The following TEX9 variants were observed in gnomAD, a reference collection of about 807,000 sequenced individuals.
TEX9 encodes the protein testis-expressed protein 9.
In TEX9, 74 loss-of-function variants were observed where a neutral mutation model predicts 59.6. The observed-to-expected ratio is 1.24, with a 90% CI of 1.03 to 1.51. TEX9 has a LOEUF of 1.51. Among genes scored for constraint, TEX9 ranks in the 40% most tolerant of loss-of-function variants. The pLI is 0.00. For synonymous variants in TEX9, 186 were observed against 152.2 expected (o/e 1.22, Z -1.64); for missense variants, 522 against 447.8 (o/e 1.17, Z -1.49).
chr15:56,407,209 A>G (rs2049122744), intron 9 of TEX9, among the ~76,000 whole-genome samples: 1 of 151,982 alleles, frequency 6.6e-6, no homozygotes, highest in Non-Finnish European at 1.5e-5. Context: ...TTCTTTCCTC[A>G]TTTGCTTACC....
intron 12 of TEX9, among the ~76,000 whole-genome samples, chr15:56,440,128 G>A (rs2050794581): frequency 6.6e-6 from 1 of 152,042 alleles, no homozygotes; most frequent in South Asian, 2.1e-4. Flanking sequence ...TCATCAAAGA[G>A]GATCTTACAC....
At chr15:56,412,852 GAATCTCTGGGAGGGCTTGTTAAA>G (rs1290304426) in intron 10 of TEX9, among the ~76,000 whole-genome samples, 6 of 152,140 alleles carry the variant, frequency 3.9e-5, no homozygotes, top group Admixed American at 6.6e-5. Flanking sequence ...GCATGTATCA[GAATCTCTGGGAGGGCTTGTTAAA>G]TCACATTGCT....
At chr15:56,362,052 A>G (rs2046799804), upstream of TEX9, among the ~76,000 whole-genome samples, 1 of 152,302 alleles carries the variant, frequency 6.6e-6, no homozygotes. Context: ...TTTTAAATTT[A>G]TTAAAGTGTG....
rs199756804 is a variant in TEX9, at chr15:56,417,995, GCAACC to G, written c.963+5561_963+5565del. Among the ~76,000 whole-genome samples, 1,087 of 151,812 alleles carry G rather than the reference GCAACC, an allele frequency of 7.2e-3. 49 individuals carry two copies. Among genetic ancestry groups the G allele is most frequent in the Admixed American group, 0.061 (931 of 15,268 alleles). ...AAACGTTTTGTCTGAAATTAGAATT[GCAACC>G]CCTGCTTTTTTCTGTTTTCTATTTC... On this transcript the variant is annotated intron_variant, in intron 10 of 12. Coordinates refer to ENST00000352903, the Ensembl canonical transcript of TEX9.
At chr15:56,380,891 T>C (rs1430417506) in intron 3 of TEX9, among the ~76,000 whole-genome samples, 1 of 152,172 alleles carries the variant, frequency 6.6e-6, no homozygotes, top group African/African-American at 2.4e-5. Context: ...TTAAATGCCT[T>C]GAGGCAGTCT....
intron 10 of TEX9, among the ~76,000 whole-genome samples, chr15:56,424,581 G>A (rs1429272960): frequency 2.0e-5 from 3 of 151,946 alleles, no homozygotes; most frequent in East Asian, 3.9e-4. Context: ...TTGCCTTATT[G>A]TTTAGTTGAT....
At chr15:56,425,321 T>A (rs1394477475) in intron 10 of TEX9, among the ~76,000 whole-genome samples, 2 of 152,180 alleles carry the variant, frequency 1.3e-5, no homozygotes, top group Admixed American at 6.5e-5. Flanking sequence ...ATAAGTTACT[T>A]GTCTCCTTTT....
At chr15:56,268,493 C>T (rs890770750) in intron 1 of TEX9, among the ~76,000 whole-genome samples, 16 of 152,114 alleles carry the variant, frequency 1.1e-4, no homozygotes, top group African/African-American at 2.7e-4. Context: ...TTTTGAGATA[C>T]GTCCCATCAA....
At chr15:56,389,467 A>C in intron 6 of TEX9, 67 bp downstream of exon 6, 1 of 1,146,846 alleles carries the variant, frequency 8.7e-7, no homozygotes, top group Non-Finnish European at 1.3e-6. Context: ...ATCATTCTTA[A>C]TTATTAAGCT....
intron 1 of TEX9, among the ~76,000 whole-genome samples, chr15:56,349,540 T>G (rs2046535671): frequency 6.6e-6 from 1 of 152,166 alleles, no homozygotes; most frequent in African/African-American, 2.4e-5. Context: ...CCCTCTGTTG[T>G]ACCAAATGCA....
At chr15:56,292,226 G>T (rs2045111746) in intron 1 of TEX9, among the ~76,000 whole-genome samples, 1 of 152,164 alleles carries the variant, frequency 6.6e-6, no homozygotes. Context: ...TATTGCCAGG[G>T]GTGGCGTCCT....
chr15:56,321,383 G>A (rs544811134), intron 1 of TEX9, among the ~76,000 whole-genome samples: 1 of 152,270 alleles, frequency 6.6e-6, no homozygotes, highest in Admixed American at 6.5e-5. Context: ...AAAGAGACTG[G>A]GAACTTCAGG....
intron 1 of TEX9, among the ~76,000 whole-genome samples, chr15:56,339,400 A>AACAAAC (rs1555434458): frequency 7.4e-6 from 1 of 135,246 alleles, no homozygotes; most frequent in Admixed American, 8.1e-5. Flanking sequence ...AAAAAAAAAA[A>AACAAAC]AAAAAAAAAA....
chr15:56,363,898 G>C (rs1440736322), upstream of TEX9, among the ~76,000 whole-genome samples: 1 of 150,238 alleles, frequency 6.7e-6, no homozygotes, highest in African/African-American at 2.4e-5. Flanking sequence ...GCCTTGGCTG[G>C]TCTGGAACTC....
chr15:56,451,235 A>G, the TEX9 span, among the ~76,000 whole-genome samples: 1 of 152,240 alleles, frequency 6.6e-6, no homozygotes, highest in African/African-American at 2.4e-5. Context: ...AGGTTAGAAC[A>G]GATATACCCA....
At chr15:56,439,286 A>C (rs1325563720) in intron 12 of TEX9, among the ~76,000 whole-genome samples, 3 of 152,136 alleles carry the variant, frequency 2.0e-5, no homozygotes, top group African/African-American at 4.8e-5. Flanking sequence ...ATAAAGGGAG[A>C]GCCAAATTGT....
At chr15:56,442,073 T>G (rs1183117399) in intron 12 of TEX9, among the ~76,000 whole-genome samples, 3 of 151,616 alleles carry the variant, frequency 2.0e-5, no homozygotes, top group Middle Eastern at 3.2e-3. Flanking sequence ...ATAGGCTAAG[T>G]ACATGAACAG....
intron 1 of TEX9, among the ~76,000 whole-genome samples, chr15:56,248,151 G>A (rs1400876785): frequency 6.6e-6 from 1 of 152,192 alleles, no homozygotes; most frequent in African/African-American, 2.4e-5. Flanking sequence ...GAGAGAAGAG[G>A]ATGTGGGAGG....
rs1180161116 is a variant in TEX9, at chr15:56,410,473, T to TA, written c.829-1820dup. On this transcript the variant is annotated intron_variant, in intron 9 of 12. Coordinates refer to ENST00000352903, the Ensembl canonical transcript of TEX9. The stretch of plus-strand genomic sequence containing the variant: ...ATTTGATTTTCTTAGGTTTTTTTTT[T>TA]AAAAAAAAACTAATGTGCAACTCAG... Among the ~76,000 whole-genome samples the TA allele has an allele frequency of 1.4e-4, 21 of 151,278 alleles. 1 individual carries two copies. Among genetic ancestry groups the TA allele is most frequent in the Admixed American group, 2.6e-4 (4 of 15,170 alleles).
Sources: gnomAD v4.1 joint callset for allele counts (sites outside exome capture counted in the v4.1 genomes callset) on GRCh38, gnomAD v4.1.1 for gene constraint, MANE v1.5 for transcripts, NCBI Gene and HGNC (gene_info 2026-07-23, HGNC 2026-07-21) for gene names.